The following COMP variants were observed in gnomAD, a reference collection of about 807,000 sequenced individuals.
COMP encodes cartilage oligomeric matrix protein (pseudoachondroplasia, epiphyseal dysplasia 1, multiple).
In COMP, 79 loss-of-function variants were observed where a neutral mutation model predicts 95.8. The ratio of observed to expected loss-of-function variants is 0.82; its 90% confidence interval spans 0.69 to 0.99. The LOEUF is 0.99. COMP is among the 50% of genes least tolerant of loss of function. The probability of loss-of-function intolerance (pLI) is 0.00; values close to 1 mark genes in which losing one functional copy is unlikely to be tolerated. For synonymous variants in COMP, 438 were observed against 433.9 expected (o/e 1.01, Z -0.12); for missense variants, 906 against 1,076.1 (o/e 0.84, Z 2.21).
intron 13 of COMP, 54 bp from the exon 14 acceptor site, chr19:18,785,905 A>AC: frequency 6.2e-7 from 1 of 1,602,188 alleles, no homozygotes; most frequent in South Asian, 1.1e-5. Context: ...CCCACCGTAG[A>AC]CCCCGCGCCA....
Position 18,784,822 on chromosome 19 carries a change from G to T in COMP, c.1914+74C>A. The T allele has an allele frequency of 6.6e-7, 1 of 1,522,906 alleles. No homozygotes were observed. Among genetic ancestry groups the T allele is most frequent in the Non-Finnish European group, 9.0e-7 (1 of 1,106,900 alleles). 94.3% of individuals were successfully genotyped at this position (1,522,906 alleles called of 1,614,324 possible). On this transcript the variant is annotated intron_variant, in intron 16 of 18. Coordinates refer to ENST00000222271, the MANE Select transcript of COMP (RefSeq NM_000095.3). The surrounding 1 kb of genome is among the most constrained non-coding windows in gnomAD (Gnocchi z 4.9). ...GCTAGGGGGCTGGGGGGCTCTAAGG[G>T]CTGTAAAGGGTTTTACGGAGGGTCA...
Position 18,789,130 on chromosome 19 carries a change from C to T in COMP, c.528+30G>A, listed in dbSNP as rs773464908. ...AAAATGGACGCCCCCTTCCCTTCTG[C>T]TCCAAAAATGGGGCCCCCACACCTC... On this transcript the variant is annotated intron_variant, in intron 5 of 18. Coordinates refer to ENST00000222271, the MANE Select transcript of COMP (RefSeq NM_000095.3). The surrounding 1 kb of genome is among the most constrained non-coding windows in gnomAD (Gnocchi z 6.1). 3 of 1,580,756 alleles carry T rather than the reference C, an allele frequency of 1.9e-6. No homozygotes were observed. The highest frequency in any genetic ancestry group is 2.6e-6 in the Non-Finnish European group (3 of 1,166,968).
At position 18,784,934 on chromosome 19, in the gene COMP, G is replaced by A. The variant is rs1455069865; in HGVS notation, c.1876C>T (p.Pro626Ser). The change falls in exon 16 of 19, where the codon CCC becomes TCC. Residue 626 changes from proline (P) to serine (S), a missense_variant. Physicochemically the swap from Pro to Ser is moderately conservative, Grantham distance 74. Coordinates refer to ENST00000222271, the MANE Select transcript of COMP (RefSeq NM_000095.3). The surrounding 1 kb of genome is among the most constrained non-coding windows in gnomAD (Gnocchi z 4.9). ...CCAGGCTCGGCCACAGCACGGAAGG[G>A]GTTCGCCTGCCAATACGTTTGCTCC... ...QMEQTYWQAN[P>S]FRAVAEPGIQ... 6.2e-7 allele frequency: 1 copy of A among 1,613,834 alleles called. No individual in the cohort carries two copies.
In COMP at chr19:18,788,311, G is replaced by T. The variant is rs923884041; in HGVS notation, c.876C>A (p.Cys292Ter). 4 of 1,611,664 alleles carry T rather than the reference G, an allele frequency of 2.5e-6. No homozygotes were observed. Among genetic ancestry groups the T allele is most frequent in the Non-Finnish European group, 3.4e-6 (4 of 1,179,784 alleles). ...CPERQCRKDN[C>*]VTVPNSGQED... ...CCTGCCCTGAGTTGGGCACAGTCAC[G>T]CAGTTGTCCTGGGGGCGGGCACAGA... The change falls in exon 9 of 19, where the codon TGC becomes TGA. Residue 292 changes from cysteine to a stop codon, truncating the protein, a stop_gained. Transcript: ENST00000222271. LOFTEE classifies it high-confidence loss of function. This position sits in a 1 kb window ranked among gnomAD's most constrained non-coding sequence, Gnocchi z 4.7.
intron 17 of COMP, 99 bp from the exon 18 acceptor site, chr19:18,783,292 G>C: frequency 6.6e-7 from 1 of 1,513,424 alleles, no homozygotes; most frequent in Non-Finnish European, 8.9e-7. Context: ...CCCTGACTGG[G>C]CTGCACTGGG....
Position 18,789,387 on chromosome 19 carries a change from A to C in COMP, c.391-90T>G. ...TAGTGTCTCGGATGTGGAAAGTTCA[A>C]GGGCCATATGCCAGTGCTTGGAGCT... On this transcript the variant is annotated intron_variant, in intron 4 of 18. Coordinates refer to ENST00000222271, the MANE Select transcript of COMP (RefSeq NM_000095.3). This position sits in a 1 kb window ranked among gnomAD's most constrained non-coding sequence, Gnocchi z 6.1. 1.5e-6 allele frequency: 2 copies of C among 1,299,926 alleles called. No homozygotes were observed. Among genetic ancestry groups the C allele is most frequent in the Non-Finnish European group, 2.0e-6 (2 of 977,674 alleles). 80.5% of individuals were successfully genotyped at this position (1,299,926 alleles called of 1,614,324 possible).
Position 18,790,579 on chromosome 19 carries a change from A to G in COMP, c.200T>C (p.Met67Thr). ...REITFLKNTV[M>T]ECDACGMQQS... ...GCGCTCACCGCACGCGTCACACTCC[A>G]TCACCGTGTTTTTCAGGAACGTGAT... Residue 67 changes from methionine to threonine, a missense_variant, in exon 3 of 19, where the codon ATG (methionine) becomes ACG (threonine). By Grantham distance (81) the Met-to-Thr change is moderately conservative. Coordinates refer to ENST00000222271, the MANE Select transcript of COMP (RefSeq NM_000095.3). 6.2e-7 allele frequency: 1 copy of G among 1,612,860 alleles called. No homozygotes were observed.
At position 18,787,601 on chromosome 19, in the gene COMP, T is replaced by C. The variant is rs1426455409; in HGVS notation, c.1025A>G (p.Asp342Gly). 1.9e-6 allele frequency: 3 copies of C among 1,613,924 alleles called. No homozygotes were observed. In the Admixed American group the frequency reaches 5.0e-5, roughly 27 times the overall value. ...RNPDQRNTDE[D>G]KWGDACDNCR... is the part of the protein sequence containing the mutation. ...GTTGTCGCACGCATCGCCCCACTTG[T>C]CCTCGTCCGTGTTGCGCTGGTCTGG... is the stretch of plus-strand genomic sequence containing the variant. The change falls in exon 10 of 19, where the codon GAC becomes GGC. Residue 342 changes from aspartate (D) to glycine (G), a missense_variant. Coordinates refer to ENST00000222271, the MANE Select transcript of COMP (RefSeq NM_000095.3).
chr19:18,791,199 C>T lies in COMP; in HGVS notation c.71G>A (p.Ser24Asn), dbSNP rs759953553. The change falls in exon 1 of 19, where the codon AGC becomes AAC. Residue 24 changes from serine (S) to asparagine (N), a missense_variant. By Grantham distance (46) the Ser-to-Asn change is conservative. Coordinates refer to ENST00000222271, the MANE Select transcript of COMP (RefSeq NM_000095.3). ...AALGASGQGQ[S>N]PLGSDLGPQM... ...GTGCTAACGCGGCTTACCCAACGGG[C>T]TCTGGCCCTGTCCGGACGCGCCGAG... 2.0e-5 allele frequency: 32 copies of T among 1,586,656 alleles called. No homozygotes were observed. The highest frequency in any genetic ancestry group is 2.7e-5 in the Non-Finnish European group (31 of 1,168,188).
At position 18,791,213 on chromosome 19, in the gene COMP, G is replaced by C. The variant is rs752956065; in HGVS notation, c.57C>G (p.Ser19=). 6.3e-7 allele frequency: 1 copy of C among 1,592,790 alleles called. No homozygotes were observed. Among genetic ancestry groups the C allele is most frequent in the Admixed American group, 1.8e-5 (1 of 56,210 alleles). ...TACCCAACGGGCTCTGGCCCTGTCC[G>C]GACGCGCCGAGGGCAGCCAGGGTGA... ...LLLTLAALGA[S]GQGQSPLGSD... Residue 19 remains serine (S), a synonymous_variant, in exon 1 of 19, where the codon TCC becomes TCG. Transcript: ENST00000222271.
chr19:18,790,568 C>G lies in COMP; in HGVS notation c.211G>C (p.Ala71Pro). 6.2e-7 allele frequency: 1 copy of G among 1,613,910 alleles called. No individual in the cohort carries two copies. Among genetic ancestry groups the G allele is most frequent in the Non-Finnish European group, 8.5e-7 (1 of 1,179,894 alleles). ...ACCGCCCCGCCGCGCTCACCGCACGCGTCACACTCCATCACCGTGTTTTTC... is the reference window on the plus strand; with the variant it reads ...ACCGCCCCGCCGCGCTCACCGCACGGGTCACACTCCATCACCGTGTTTTTC... The part of the protein sequence containing the change: ...FLKNTVMECD[A>P]CGMQQSVRTG... Residue 71 changes from alanine (A) to proline (P), a missense_variant, in exon 3 of 19, where the codon GCG becomes CCG. Physicochemically the swap from Ala to Pro is conservative, Grantham distance 27. Transcript: ENST00000222271.
chr19:18,790,138 C>A (rs906179624), intron 3 of COMP, 24 bp from the exon 4 acceptor site: 1 of 1,509,178 alleles, frequency 6.6e-7, no homozygotes, highest in Non-Finnish European at 8.9e-7. Flanking sequence ...GGGGGAGAAG[C>A]GGCGGGGCTG....
In COMP at chr19:18,789,013, T is replaced by G; in HGVS notation, c.529-100A>C. The stretch of plus-strand genomic sequence containing the variant: ...CGCATCCTGCCTCTCCCCTCCATCC[T>G]GCCCCAAACCGATCAGCCCTGGCGC... On this transcript the variant is annotated intron_variant, in intron 5 of 18. Transcript: ENST00000222271. The surrounding 1 kb of genome is among the most constrained non-coding windows in gnomAD (Gnocchi z 6.1). 4 of 1,549,056 alleles carry G rather than the reference T, an allele frequency of 2.6e-6. No homozygotes were observed. The highest frequency in any genetic ancestry group is 3.5e-6 in the Non-Finnish European group (4 of 1,137,644).
chr19:18,785,714 C>G lies in COMP; in HGVS notation c.1627G>C (p.Gly543Arg). 1 of 1,613,480 alleles carries G rather than the reference C, an allele frequency of 6.2e-7. No homozygotes were observed. The highest frequency in any genetic ancestry group is 8.5e-7 in the Non-Finnish European group (1 of 1,180,034). The change falls in exon 14 of 19, where the codon GGT becomes CGT. Residue 543 changes from glycine to arginine, a missense_variant. Physicochemically the swap from Gly to Arg is moderately radical, Grantham distance 125. Transcript: ENST00000222271. ...CAGTTGGGGTCAATCTGCGCGTCAC[C>G]CTCCGGGTCCAGCACGACTGTCTGG... ...AFQTVVLDPE[G>R]DAQIDPNWVV... is the part of the protein sequence containing the mutation.
intron 15 of COMP, 147 bp from the exon 16 acceptor site, chr19:18,785,239 C>G (rs1262963993): frequency 5.4e-6 from 5 of 930,458 alleles, no homozygotes; most frequent in Admixed American, 4.0e-5. Context: ...CTCAGCCACG[C>G]CCCCCATCTA....
In COMP at chr19:18,791,218, C is replaced by G; in HGVS notation, c.52G>C (p.Ala18Pro). Reference protein sequence around the residue: ...VLLLTLAALGASGQGQSPLGS... With the variant: ...VLLLTLAALGPSGQGQSPLGS... ...AACGGGCTCTGGCCCTGTCCGGACG[C>G]GCCGAGGGCAGCCAGGGTGAGCAGA... The change falls in exon 1 of 19, where the codon GCG becomes CCG. Residue 18 changes from alanine to proline, a missense_variant. Ala to Pro is a conservative substitution (Grantham distance 27, BLOSUM62 -1). Transcript: ENST00000222271. The G allele has an allele frequency of 6.3e-7, 1 of 1,594,578 alleles. No homozygotes were observed. Among genetic ancestry groups the G allele is most frequent in the Non-Finnish European group, 8.5e-7 (1 of 1,172,220 alleles).
Position 18,788,635 on chromosome 19 carries a change from T to G in COMP, c.719A>C (p.His240Pro). Residue 240 changes from histidine (H) to proline (P), a missense_variant, in exon 7 of 19, where the codon CAT becomes CCT. Transcript: ENST00000222271. This position sits in a 1 kb window ranked among gnomAD's most constrained non-coding sequence, Gnocchi z 4.7. ...ATCGCGCTCTAGGACGCAGTCTGCATGCTCGTGGCACTCGCTGGGCGAGCC... is the reference window on the plus strand; with the variant it reads ...ATCGCGCTCTAGGACGCAGTCTGCAGGCTCGTGGCACTCGCTGGGCGAGCC... ...PDGSPSECHEHADCVLERDGS... is the reference protein window; with the variant it reads ...PDGSPSECHEPADCVLERDGS... 1 of 1,547,956 alleles carries G rather than the reference T, an allele frequency of 6.5e-7. No individual in the cohort carries two copies. Among genetic ancestry groups the G allele is most frequent in the South Asian group, 1.2e-5 (1 of 84,072 alleles).
rs2145897697 is a variant in COMP, at chr19:18,783,110, A to AC, written c.2170dup (p.Val724GlyfsTer20). Reference sequence around the variant, plus strand: ...GATGTTCTCCTGGGAGAAGCAGAAGACCCCCAGGCGGCCACCCCGCATGGT... The same window carrying AC: ...GATGTTCTCCTGGGAGAAGCAGAAGACCCCCCAGGCGGCCACCCCGCATGGT... On this transcript the variant is annotated frameshift_variant, in exon 18 of 19. Transcript: ENST00000222271. LOFTEE classifies it high-confidence loss of function. 9.3e-6 allele frequency: 15 copies of AC among 1,610,908 alleles called. No individual in the cohort carries two copies. The highest frequency in any genetic ancestry group is 1.3e-5 in the Non-Finnish European group (15 of 1,179,856).
At chr19:18,790,678 T>C in intron 2 of COMP, 65 bp from the exon 3 acceptor site, 1 of 1,613,130 alleles carries the variant, frequency 6.2e-7, no homozygotes, top group East Asian at 2.2e-5. Context: ...CTCCCCTCTC[T>C]CTACCCCGGG....
Sources: allele counts gnomAD v4.1 joint callset, GRCh38; gene constraint gnomAD v4.1.1; non-coding constraint Gnocchi (gnomAD v3.1); transcripts MANE v1.5; gene names NCBI Gene and HGNC (gene_info 2026-07-23, HGNC 2026-07-21).